THADA: variants seen among roughly 807,000 people sequenced by gnomAD.
THADA encodes the protein THADA armadillo repeat containing, also known as tRNA (32-2'-O)-methyltransferase regulator THADA.
A neutral mutation model predicts 219.8 loss-of-function variants in THADA; 213 were observed. The ratio of observed to expected loss-of-function variants is 0.97; its 90% CI spans 0.87 to 1.09. THADA has a LOEUF of 1.09. Among genes scored for constraint, THADA ranks in the 50% least tolerant of loss-of-function variants. The pLI, the probability that THADA is intolerant of heterozygous loss-of-function variation, is 0.00. For synonymous variants in THADA, 1,018 were observed against 828.9 expected (o/e 1.23, Z -3.92); for missense variants, 2,956 against 2,311.3 (o/e 1.28, Z -5.72).
intron 36 of THADA, among the ~76,000 whole-genome samples, chr2:43,278,553 TGAGGG>T (rs1672987054): frequency 6.6e-6 from 1 of 152,218 alleles, no homozygotes; most frequent in East Asian, 1.9e-4. Context: ...GGTTGGGGGC[TGAGGG>T]GAGCCTGCTT....
chr2:43,559,613 G>A (rs1364580093), intron 16 of THADA, among the ~76,000 whole-genome samples: 1 of 152,192 alleles, frequency 6.6e-6, no homozygotes, highest in East Asian at 1.9e-4. Context: ...GTCCCCTGCA[G>A]ACTCATCCCC....
At chr2:43,241,491 C>T (rs556806750) in intron 36 of THADA, among the ~76,000 whole-genome samples, 10 of 149,618 alleles carry the variant, frequency 6.7e-5, no homozygotes, top group African/African-American at 2.4e-4. Context: ...GTTGTGTCAG[C>T]TAAACTGTAC....
intron 26 of THADA, among the ~76,000 whole-genome samples, chr2:43,436,709 C>T (rs78108161): frequency 0.11 from 16,827 of 152,170 alleles, 1,072 homozygotes; most frequent in African/African-American, 0.16. Flanking sequence ...ATTCTTTGGA[C>T]TAAACTAGAA....
intron 31 of THADA, among the ~76,000 whole-genome samples, chr2:43,306,815 ATCCAGCTGCT>A (rs1676920370): frequency 6.6e-6 from 1 of 152,174 alleles, no homozygotes. Context: ...GGGAGTCAGG[ATCCAGCTGCT>A]TCCACCCTGG....
rs116595229 is a variant in THADA, at chr2:43,332,987, T to C, written c.4343+11135A>G. On this transcript the variant is annotated intron_variant, in intron 30 of 37. Transcript: ENST00000405975. ...TTGCTCAAGGGCCCAGGATAATATA[T>C]TGATCACTTCTGACTGTTTTCACCC... Among the ~76,000 whole-genome samples the C allele has an allele frequency of 4.6e-3, 704 of 152,318 alleles. 4 individuals are homozygous for C. The highest frequency in any genetic ancestry group is 6.8e-3 in the Middle Eastern group (2 of 294).
Position 43,592,343 on chromosome 2 carries a change from CA to C in THADA, c.49del (p.Cys17AlafsTer8). On this transcript the variant is annotated frameshift_variant, in exon 2 of 38. Coordinates refer to ENST00000405975, the MANE Select transcript of THADA (RefSeq NM_022065.5). LOFTEE classifies it high-confidence loss of function. The stretch of plus-strand genomic sequence containing the variant: ...TTTCAAAGTTTCAAGGTCCTGATGG[CA>C]AATGGTCAGCGCAGCAACTTGCATT... ...KEMQVAALTI[C>X]HQDLETLKSF... is the part of the protein sequence containing the mutation. 1 of 1,608,336 alleles carries C rather than the reference CA, an allele frequency of 6.2e-7. No individual in the cohort carries two copies. The highest frequency in any genetic ancestry group is 8.5e-7 in the Non-Finnish European group (1 of 1,177,450).
intron 30 of THADA, among the ~76,000 whole-genome samples, chr2:43,338,359 G>T (rs1376620808): frequency 6.6e-6 from 1 of 152,016 alleles, no homozygotes; most frequent in Non-Finnish European, 1.5e-5. Context: ...GTTTCACCAT[G>T]TTGGCCAGGC....
At chr2:43,564,848 T>C (rs1023978860) in intron 15 of THADA, 2 of 152,202 alleles carry the variant, frequency 1.3e-5, no homozygotes, top group African/African-American at 2.4e-5. Flanking sequence ...CCCTGAGACA[T>C]ATTCTTCCAA....
chr2:43,581,543 C>CAAAA (rs397938497), intron 8 of THADA, among the ~76,000 whole-genome samples, 198 bp downstream of exon 8: 2 of 67,686 alleles, frequency 3.0e-5, no homozygotes, highest in Admixed American at 2.0e-4. Flanking sequence ...GATTCGGTCT[C>CAAAA]AAAAAAAAAA....
chr2:43,560,513 C>G, intron 15 of THADA, 128 bp from the exon 16 acceptor site: 1 of 526,312 alleles, frequency 1.9e-6, no homozygotes, highest in Non-Finnish European at 3.1e-6. Context: ...CCCATGATAG[C>G]TAAAACAGTA....
At chr2:43,413,983 T>C (rs1242398621) in intron 28 of THADA, among the ~76,000 whole-genome samples, 1 of 152,222 alleles carries the variant, frequency 6.6e-6, no homozygotes, top group African/African-American at 2.4e-5. Flanking sequence ...CCTATGCATA[T>C]CCTCTGGTAC....
chr2:43,379,562 G>A (rs1671762587), intron 29 of THADA, among the ~76,000 whole-genome samples: 1 of 152,154 alleles, frequency 6.6e-6, no homozygotes, highest in South Asian at 2.1e-4. Context: ...TGCTGACAAG[G>A]ACTGAGAGCA....
intron 26 of THADA, among the ~76,000 whole-genome samples, chr2:43,449,608 G>A (rs10865192): frequency 0.72 from 109,209 of 151,978 alleles, 39,454 homozygotes; most frequent in Admixed American, 0.78. Flanking sequence ...TCTCTACAAA[G>A]AATTTTTAAA....
At chr2:43,453,744 A>C (rs957832547) in intron 26 of THADA, among the ~76,000 whole-genome samples, 2 of 152,224 alleles carry the variant, frequency 1.3e-5, no homozygotes, top group Admixed American at 6.5e-5. Context: ...ACACAGAGTC[A>C]GACTTTCAAC....
At position 43,515,360 on chromosome 2, in the gene THADA, AT is replaced by A. The variant is rs1366627151; in HGVS notation, c.3375-6581del. On this transcript the variant is annotated intron_variant, in intron 22 of 37. Transcript: ENST00000405975. ...TATAATATATAATATTTTATATATA[AT>A]ATATAATATATAATATATAATATTT... 1.7e-3 allele frequency among the ~76,000 whole-genome samples: 77 copies of A among 44,186 alleles called. 6 individuals carry two copies. Among genetic ancestry groups the A allele is most frequent in the Middle Eastern group, 9.4e-3 (1 of 106 alleles). The allele number at this position is 44,186 out of a possible 152,430, so 29.0% of individuals were successfully genotyped here. A position where few individuals can be genotyped will look rare whatever the true frequency, so the allele number is the denominator to read the frequency against.
intron 29 of THADA, among the ~76,000 whole-genome samples, chr2:43,362,127 C>A (rs564013697): frequency 2.2e-4 from 33 of 152,306 alleles, no homozygotes; most frequent in African/African-American, 7.9e-4. Context: ...TAGCTCCCAA[C>A]GTAGGTCATT....
At chr2:43,352,004 C>A (rs532589655) in intron 29 of THADA, among the ~76,000 whole-genome samples, 3 of 152,292 alleles carry the variant, frequency 2.0e-5, no homozygotes, top group Non-Finnish European at 2.9e-5. Flanking sequence ...TGAAGGCCTG[C>A]ATATGAAGAA....
chr2:43,321,656 G>C (rs1015168215), intron 30 of THADA, among the ~76,000 whole-genome samples: 1 of 152,214 alleles, frequency 6.6e-6, no homozygotes, highest in Non-Finnish European at 1.5e-5. Flanking sequence ...CCAGATGCCA[G>C]TGCCATCTGT....
intron 26 of THADA, among the ~76,000 whole-genome samples, chr2:43,448,342 T>A (rs1402799684): frequency 1.3e-5 from 2 of 152,186 alleles, no homozygotes; most frequent in Admixed American, 6.5e-5. Flanking sequence ...ATGCACATGC[T>A]CCAGGATCAG....
Sources: gnomAD v4.1 joint callset for allele counts (sites outside exome capture counted in the v4.1 genomes callset) on GRCh38, gnomAD v4.1.1 for gene constraint, MANE v1.5 for transcripts, NCBI Gene and HGNC (gene_info 2026-07-23, HGNC 2026-07-21) for gene names.